Variants in SAMD12 observed in about 807,000 individuals in gnomAD.
The protein encoded by SAMD12 is sterile alpha motif domain containing 12, also known as sterile alpha motif domain-containing protein 12.
SAMD12 carries 9 observed loss-of-function variants against 15.0 expected under a neutral mutation model. The ratio of observed to expected loss-of-function variants is 0.60; its 90% CI spans 0.36 to 1.05. The LOEUF is 1.05. Among genes scored for constraint, SAMD12 ranks in the 50% least tolerant of loss-of-function variants. The probability of loss-of-function intolerance (pLI) is 0.01; values close to 1 mark genes in which losing one functional copy is unlikely to be tolerated. For synonymous variants in SAMD12, 86 were observed against 90.1 expected (o/e 0.96, Z 0.25); for missense variants, 230 against 234.2 (o/e 0.98, Z 0.12).
chr8:118,240,727 C>T (rs183540295), intron 4 of SAMD12, among the ~76,000 whole-genome samples: 23 of 151,662 alleles, frequency 1.5e-4, no homozygotes, highest in Admixed American at 5.9e-4. Flanking sequence ...GTGCCGACTA[C>T]AAGCGTTGCT....
At chr8:118,194,642 G>GTA (rs1819503760) in exon 5 of SAMD12, 1 of 152,176 alleles carries the variant, frequency 6.6e-6, no homozygotes, top group African/African-American at 2.4e-5. Flanking sequence ...ACAGTTTACA[G>GTA]TCCTTAGACA....
At chr8:118,134,021 C>T in the SAMD12 span, among the ~76,000 whole-genome samples, 1 of 152,340 alleles carries the variant, frequency 6.6e-6, no homozygotes, top group South Asian at 2.1e-4. Flanking sequence ...AATGTTACAA[C>T]AGCTGTTTCT....
intron 4 of SAMD12, among the ~76,000 whole-genome samples, chr8:118,304,805 T>TACAC: frequency 6.8e-6 from 1 of 146,848 alleles, no homozygotes; most frequent in Admixed American, 6.9e-5. Flanking sequence ...AATACACAAA[T>TACAC]AAATATAAAC....
In SAMD12 at chr8:118,517,542, A is replaced by G. The variant is rs116181306; in HGVS notation, c.192+63173T>C. On this transcript the variant is annotated intron_variant, in intron 2 of 3. Transcript: ENST00000314727. The stretch of plus-strand genomic sequence containing the variant: ...CACATCCATGAGGGCAACCTGTCAG[A>G]ATCCCAGATAATGTATCATCCAAGT... Among the ~76,000 whole-genome samples, 1,376 of 152,326 alleles carry G rather than the reference A, an allele frequency of 9.0e-3. 24 individuals carry two copies. The highest frequency in any genetic ancestry group is 0.032 in the African/African-American group (1,316 of 41,564).
At chr8:118,165,618 A>ATATATATATATATACATATATATATG in the SAMD12 span, among the ~76,000 whole-genome samples, 5 of 63,634 alleles carry the variant, frequency 7.9e-5, no homozygotes, top group South Asian at 4.2e-4. Flanking sequence ...ATATATGTAT[A>ATATATATATATATACATATATATATG]TATATATATA....
intron 2 of SAMD12, among the ~76,000 whole-genome samples, chr8:118,495,086 A>T (rs953500796): frequency 1.3e-5 from 2 of 152,240 alleles, no homozygotes; most frequent in African/African-American, 4.8e-5. Flanking sequence ...AGTGTGTGAC[A>T]TACAGTAAGT....
At chr8:118,388,555 C>T (rs1820086750) in intron 3 of SAMD12, among the ~76,000 whole-genome samples, 1 of 152,188 alleles carries the variant, frequency 6.6e-6, no homozygotes, top group South Asian at 2.1e-4. Context: ...ACTCCCACCC[C>T]TTCCCATAAC....
At chr8:118,544,199 G>T (rs1383047937) in intron 2 of SAMD12, among the ~76,000 whole-genome samples, 1 of 152,130 alleles carries the variant, frequency 6.6e-6, no homozygotes, top group Non-Finnish European at 1.5e-5. Context: ...TAAGTATGTG[G>T]TGGCACAAAA....
chr8:118,189,659 A>T (rs1316374446), exon 5 of SAMD12: 1 of 151,982 alleles, frequency 6.6e-6, no homozygotes. Flanking sequence ...GCCCCCCTCA[A>T]CTCTTTTTGA....
At chr8:118,501,641 T>C (rs1824785318) in intron 2 of SAMD12, among the ~76,000 whole-genome samples, 1 of 152,182 alleles carries the variant, frequency 6.6e-6, no homozygotes, top group Non-Finnish European at 1.5e-5. Context: ...GCAAGTATAT[T>C]AGCAGAGACT....
intron 2 of SAMD12, among the ~76,000 whole-genome samples, chr8:118,572,095 G>T (rs536737987): frequency 6.6e-6 from 1 of 152,338 alleles, no homozygotes; most frequent in African/African-American, 2.4e-5. Context: ...TTGCATCAGC[G>T]TGACCTGGAT....
chr8:118,360,229 C>G (rs969430165), intron 4 of SAMD12, among the ~76,000 whole-genome samples: 12 of 152,118 alleles, frequency 7.9e-5, no homozygotes, highest in Admixed American at 7.9e-4. Flanking sequence ...TTTCAAATAT[C>G]TTTACTGTAA....
chr8:118,336,026 C>A (rs932971091), intron 4 of SAMD12, among the ~76,000 whole-genome samples: 4 of 152,154 alleles, frequency 2.6e-5, no homozygotes, highest in Non-Finnish European at 4.4e-5. Context: ...ACCCAGCCCA[C>A]GTTTTCCTTT....
At chr8:118,500,461 TAGAGACATGGGTTCCTTTCTGTGA>T (rs571874556) in intron 2 of SAMD12, among the ~76,000 whole-genome samples, 410 of 151,982 alleles carry the variant, frequency 2.7e-3, no homozygotes, top group Non-Finnish European at 4.2e-3. Context: ...GCCTAGGACA[TAGAGACATGGGTTCCTTTCTGTGA>T]AGCCATTCTT....
chr8:118,176,413 T>C, the SAMD12 span, among the ~76,000 whole-genome samples: 2 of 152,226 alleles, frequency 1.3e-5, no homozygotes, highest in African/African-American at 4.8e-5. Context: ...AGAATCAATC[T>C]AGATGCTCAT....
chr8:118,605,803 T>C (rs1446323775), intron 1 of SAMD12, among the ~76,000 whole-genome samples: 1 of 1,830 alleles, frequency 5.5e-4, no homozygotes, highest in African/African-American at 1.3e-3. Flanking sequence ...TATATATATA[T>C]ATATATATAT....
the SAMD12 span, among the ~76,000 whole-genome samples, chr8:118,175,583 C>CATCCAGCAAA: frequency 1.3e-5 from 2 of 152,142 alleles, no homozygotes; most frequent in Non-Finnish European, 2.9e-5. Flanking sequence ...AAAATATTTA[C>CATCCAGCAAA]AAACTATGCA....
Position 118,353,339 on chromosome 8 carries a change from T to C in SAMD12, c.433+26221A>G, listed in dbSNP as rs150401550. Among the ~76,000 whole-genome samples, 47 of 151,514 alleles carry C rather than the reference T, an allele frequency of 3.1e-4. 1 individual carries two copies. Among genetic ancestry groups the C allele is most frequent in the African/African-American group, 9.9e-4 (41 of 41,240 alleles). On this transcript the variant is annotated intron_variant, in intron 4 of 4. Transcript: ENST00000409003. Reference sequence around the variant, plus strand: ...TTTGTGCCCCACCAAAAGAAAAATTTATATGTTGAAGCCTTAATTCCCAAA... The same window carrying C: ...TTTGTGCCCCACCAAAAGAAAAATTCATATGTTGAAGCCTTAATTCCCAAA...
At chr8:118,132,281 C>T in the SAMD12 span, among the ~76,000 whole-genome samples, 6 of 152,176 alleles carry the variant, frequency 3.9e-5, no homozygotes, top group East Asian at 1.2e-3. Flanking sequence ...TAAAAAGGAA[C>T]CCTGTGGTTC....
Sources: allele counts gnomAD v4.1 joint callset (sites outside exome capture counted in the v4.1 genomes callset), GRCh38; gene constraint gnomAD v4.1.1; transcripts MANE v1.5; gene names NCBI Gene and HGNC (gene_info 2026-07-23, HGNC 2026-07-21).